The following IMMP1L variants were observed in gnomAD, a reference collection of about 807,000 sequenced individuals.
IMMP1L encodes the protein mitochondrial inner membrane protease subunit 1.
Under a neutral mutation model 21.8 loss-of-function variants are expected in IMMP1L, and 24 were observed. That is an observed-to-expected ratio of 1.10 (90% CI 0.80 to 1.55). The LOEUF (loss-of-function observed/expected upper bound fraction) is 1.55. Among genes scored for constraint, IMMP1L ranks in the 40% most tolerant of loss-of-function variants. The pLI is 0.00. For synonymous variants in IMMP1L, 46 were observed against 62.8 expected, an observed-to-expected ratio of 0.73 and a Z score of 1.26; for missense variants, 195 against 200.7, an observed-to-expected ratio of 0.97 and a Z score of 0.17.
intron 4 of IMMP1L, among the ~76,000 whole-genome samples, chr11:31,440,929 CA>C (rs1327826224): frequency 6.6e-6 from 1 of 152,006 alleles, no homozygotes; most frequent in African/African-American, 2.4e-5. Context: ...TCAAGACTGG[CA>C]ATGGCATAAA....
At chr11:31,493,736 A>G (rs1251899749) in intron 1 of IMMP1L, among the ~76,000 whole-genome samples, 1 of 152,242 alleles carries the variant, frequency 6.6e-6, no homozygotes, top group Non-Finnish European at 1.5e-5. Context: ...CAAGGGTACA[A>G]GCGTTGGGTA....
At chr11:31,451,736 A>T (rs941130957) in intron 4 of IMMP1L, among the ~76,000 whole-genome samples, 6 of 152,226 alleles carry the variant, frequency 3.9e-5, no homozygotes, top group Non-Finnish European at 8.8e-5. Context: ...TAAATTTGAG[A>T]GTAAGTTAAA....
intron 1 of IMMP1L, among the ~76,000 whole-genome samples, chr11:31,469,547 G>A (rs1169775471): frequency 6.6e-6 from 1 of 152,210 alleles, no homozygotes; most frequent in Non-Finnish European, 1.5e-5. Flanking sequence ...TGCAAGTTGG[G>A]AGAAAGTAGT....
chr11:31,479,660 A>G (rs1418969159), intron 1 of IMMP1L, among the ~76,000 whole-genome samples: 2 of 152,022 alleles, frequency 1.3e-5, no homozygotes, highest in African/African-American at 4.8e-5. Flanking sequence ...ACTTAATACA[A>G]AAGAGGGAAA....
intron 1 of IMMP1L, among the ~76,000 whole-genome samples, chr11:31,479,790 T>C (rs1046137615): frequency 3.3e-5 from 5 of 152,070 alleles, no homozygotes; most frequent in Non-Finnish European, 5.9e-5. Context: ...TATTTTCCTA[T>C]GTTCCTAAGC....
At chr11:31,484,087 A>G (rs1306468880) in intron 1 of IMMP1L, among the ~76,000 whole-genome samples, 1 of 151,934 alleles carries the variant, frequency 6.6e-6, no homozygotes, top group East Asian at 1.9e-4. Context: ...GGAAAATAGA[A>G]TAAAAATAGC....
At chr11:31,455,549 G>A (rs559938451) in intron 4 of IMMP1L, among the ~76,000 whole-genome samples, 72 of 152,144 alleles carry the variant, frequency 4.7e-4, no homozygotes, top group African/African-American at 1.6e-3. Flanking sequence ...ACACAATTTC[G>A]ATTATCAAAA....
chr11:31,460,844 T>C, intron 2 of IMMP1L, 130 bp from the exon 3 acceptor site: 1 of 696,228 alleles, frequency 1.4e-6, no homozygotes, highest in Non-Finnish European at 2.5e-6. Flanking sequence ...TTCATGAAAA[T>C]TTGGCAGTTC....
chr11:31,484,339 C>A (rs961125849), intron 1 of IMMP1L, among the ~76,000 whole-genome samples: 6 of 151,704 alleles, frequency 4.0e-5, no homozygotes, highest in Admixed American at 2.6e-4. Context: ...GTTTTATTCC[C>A]CTCCCAATTT....
chr11:31,500,866 G>C (rs1337577536), intron 1 of IMMP1L, among the ~76,000 whole-genome samples: 1 of 152,138 alleles, frequency 6.6e-6, no homozygotes, highest in African/African-American at 2.4e-5. Flanking sequence ...TTGAAAAGTT[G>C]TAACAGAGAC....
At chr11:31,499,854 GA>G (rs1592046880) in intron 1 of IMMP1L, among the ~76,000 whole-genome samples, 1 of 151,848 alleles carries the variant, frequency 6.6e-6, no homozygotes, top group East Asian at 1.9e-4. Flanking sequence ...ACAAACATGA[GA>G]ATGCTTCAGG....
intron 4 of IMMP1L, among the ~76,000 whole-genome samples, chr11:31,436,584 C>A (rs1167941962): frequency 6.6e-6 from 1 of 152,052 alleles, no homozygotes; most frequent in East Asian, 1.9e-4. Context: ...AGGTGTCCAC[C>A]ACCACACCCA....
intron 1 of IMMP1L, chr11:31,477,632 T>A: frequency 1.4e-6 from 1 of 692,388 alleles, no homozygotes; most frequent in Non-Finnish European, 1.8e-6. Context: ...TAGCGCCAGG[T>A]GGCTTTTTCT....
chr11:31,502,579 T>C (rs972943115), intron 1 of IMMP1L, among the ~76,000 whole-genome samples: 3 of 152,218 alleles, frequency 2.0e-5, no homozygotes, highest in Admixed American at 6.5e-5. Flanking sequence ...TTTTAAATAT[T>C]TGGCCTACTC....
At position 31,504,606 on chromosome 11, in the gene IMMP1L, T is replaced by C. The variant is rs1055104342; in HGVS notation, c.-30+4913A>G. On this transcript the variant is annotated intron_variant, in intron 1 of 5. Transcript: ENST00000532287. ...CTGGTAAGAGTATAAACTGGTACAA[T>C]TGCATTGAAGAAATGGCCACAAATG... 2.8e-4 allele frequency among the ~76,000 whole-genome samples: 42 copies of C among 152,168 alleles called. 1 individual carries two copies. The highest frequency in any genetic ancestry group is 1.0e-4 in the Non-Finnish European group (7 of 68,026).
intron 1 of IMMP1L, among the ~76,000 whole-genome samples, chr11:31,468,786 G>A (rs989636709): frequency 2.0e-5 from 3 of 152,086 alleles, no homozygotes; most frequent in Non-Finnish European, 4.4e-5. Flanking sequence ...AGAGAATAAC[G>A]GGTGAGGCAT....
intron 4 of IMMP1L, among the ~76,000 whole-genome samples, chr11:31,449,827 A>G (rs1343074611): frequency 6.6e-6 from 1 of 152,208 alleles, no homozygotes; most frequent in Admixed American, 6.5e-5. Flanking sequence ...AAATAGCCAG[A>G]TATCTTTGGT....
chr11:31,498,776 T>C (rs1955529996), intron 1 of IMMP1L, among the ~76,000 whole-genome samples: 1 of 152,202 alleles, frequency 6.6e-6, no homozygotes, highest in Non-Finnish European at 1.5e-5. Flanking sequence ...AAGTTACTTA[T>C]CCTTTATGTG....
Position 31,481,586 on chromosome 11 carries a change from A to C in IMMP1L, c.-29-18281T>G, listed in dbSNP as rs1283961371. On this transcript the variant is annotated intron_variant, in intron 1 of 5. Coordinates refer to ENST00000532287, the MANE Select transcript of IMMP1L (RefSeq NM_001304274.2). ...AATAATATACATTATGGACAAGATA[A>C]AAACTAAAATATCAGGGCATGAAAA... Among the ~76,000 whole-genome samples, 9 of 151,974 alleles carry C rather than the reference A, an allele frequency of 5.9e-5. No individual in the cohort carries two copies. The East Asian group carries it at 1.7e-3, about 29-fold the overall frequency.
Sources: gnomAD v4.1 joint callset for allele counts (sites outside exome capture counted in the v4.1 genomes callset) on GRCh38, gnomAD v4.1.1 for gene constraint, MANE v1.5 for transcripts, NCBI Gene and HGNC (gene_info 2026-07-23, HGNC 2026-07-21) for gene names.